The following PPFIBP2 variants were observed in gnomAD, a reference collection of about 807,000 sequenced individuals.
PPFIBP2 encodes the protein liprin-beta-2.
A neutral mutation model predicts 118.3 loss-of-function variants in PPFIBP2; 118 were observed. The observed-to-expected ratio is 1.00, with a 90% CI of 0.86 to 1.16. The LOEUF (loss-of-function observed/expected upper bound fraction) is 1.16, where lower values mean the gene tolerates loss of function less well. Ranked by LOEUF, PPFIBP2 falls within the 50% of genes most tolerant of loss-of-function variation. The pLI is 0.00. For missense variants in PPFIBP2, 1,195 were observed against 1,073.1 expected (o/e 1.11, Z -1.59); for synonymous variants, 414 against 397.4 (o/e 1.04, Z -0.50).
chr11:7,593,990 C>G (rs1590433402), intron 4 of PPFIBP2, among the ~76,000 whole-genome samples: 2 of 152,266 alleles, frequency 1.3e-5, no homozygotes, highest in East Asian at 3.9e-4. Flanking sequence ...AGGCTAGTAT[C>G]CTAATCCCAG....
At chr11:7,572,333 C>T (rs73411118) in intron 3 of PPFIBP2, among the ~76,000 whole-genome samples, 8,844 of 152,262 alleles carry the variant, frequency 0.058, 830 homozygotes, top group African/African-American at 0.2. Flanking sequence ...TGGGGGCCTT[C>T]AGCCACTGCA....
intron 14 of PPFIBP2, among the ~76,000 whole-genome samples, chr11:7,639,054 A>G (rs1052353096): frequency 3.9e-5 from 6 of 152,142 alleles, no homozygotes; most frequent in Non-Finnish European, 7.4e-5. Context: ...TGATCACAAT[A>G]TAGGGATTTT....
rs967124059 is a variant in PPFIBP2, at chr11:7,653,655, G to A, written c.*437G>A. On this transcript the variant is annotated 3_prime_UTR_variant, in exon 24 of 24. Transcript: ENST00000299492. ...CAGTCTTGGCTGAGATCAAAGGGAT[G>A]AGCAACAGGGACTTCTGCCACAGTG... 10 of 1,291,882 alleles carry A rather than the reference G, an allele frequency of 7.7e-6. No individual in the cohort carries two copies. In the African/African-American group the frequency reaches 9.1e-5, roughly 12 times the overall value. The allele number at this position is 1,291,882 out of a possible 1,614,324, so 80.0% of individuals were successfully genotyped here.
intron 6 of PPFIBP2, among the ~76,000 whole-genome samples, chr11:7,619,246 T>C (rs1331286748): frequency 6.6e-6 from 1 of 152,128 alleles, no homozygotes; most frequent in Non-Finnish European, 1.5e-5. Context: ...CAAGAGAATA[T>C]AGCAGAGGGG....
chr11:7,597,738 G>A (rs976380840), intron 5 of PPFIBP2, 65 bp downstream of exon 5: 3 of 1,304,722 alleles, frequency 2.3e-6, no homozygotes, highest in Non-Finnish European at 2.2e-6. Flanking sequence ...GCCCCTTTGT[G>A]TGCCCAGGCT....
chr11:7,624,337 C>T (rs562118212), intron 7 of PPFIBP2, among the ~76,000 whole-genome samples: 1 of 152,260 alleles, frequency 6.6e-6, no homozygotes, highest in East Asian at 1.9e-4. Context: ...ATATTGTTTC[C>T]TCGGGTGGTT....
At chr11:7,548,407 A>C (rs1261754086) in intron 1 of PPFIBP2, 1 of 152,236 alleles carries the variant, frequency 6.6e-6, no homozygotes, top group East Asian at 1.9e-4. Context: ...TGAGTGTGGA[A>C]GCCGTGCCCC....
intron 3 of PPFIBP2, among the ~76,000 whole-genome samples, chr11:7,589,689 G>C (rs1858889190): frequency 6.6e-6 from 1 of 152,068 alleles, no homozygotes; most frequent in South Asian, 2.1e-4. Context: ...GTGAAATGTG[G>C]GCATGGTTTT....
chr11:7,634,381 T>C, intron 12 of PPFIBP2, 114 bp from the exon 13 acceptor site: 1 of 817,288 alleles, frequency 1.2e-6, no homozygotes, highest in Non-Finnish European at 2.0e-6. Flanking sequence ...TTTTTTTTTC[T>C]TGACTTTGAA....
At chr11:7,562,955 A>T (rs1190720420) in intron 2 of PPFIBP2, among the ~76,000 whole-genome samples, 5 of 73,422 alleles carry the variant, frequency 6.8e-5, no homozygotes, top group African/African-American at 2.8e-4. Flanking sequence ...ATATATATAT[A>T]TATATATATA....
rs1221903027 is a variant in PPFIBP2 at position 7,641,502 on chromosome 11, G to A, written c.1399G>A (p.Asp467Asn). 3.7e-6 allele frequency: 6 copies of A among 1,613,816 alleles called. No homozygotes were observed. Among genetic ancestry groups the A allele is most frequent in the South Asian group, 1.1e-5 (1 of 91,072 alleles). ...AGGAGACACAGAAAGTGGCTGGGAC[G>A]ACACTGCTGTGGTCAATGACCTCTC... is the stretch of plus-strand genomic sequence containing the variant. ...RLRDTESGWDDTAVVNDLSST... is the reference protein window; with the variant it reads ...RLRDTESGWDNTAVVNDLSST... Residue 467 changes from aspartate to asparagine, a missense_variant, in exon 16 of 24, where the codon GAC becomes AAC. Physicochemically the swap from Asp to Asn is conservative, Grantham distance 23. Transcript: ENST00000299492.
intron 1 of PPFIBP2, among the ~76,000 whole-genome samples, chr11:7,528,002 G>A (rs1278554618): frequency 6.6e-6 from 1 of 152,194 alleles, no homozygotes; most frequent in Non-Finnish European, 1.5e-5. Flanking sequence ...TGGGCTTCAA[G>A]AAGATACCTG....
chr11:7,596,668 G>C (rs4758003), intron 4 of PPFIBP2, among the ~76,000 whole-genome samples: 2 of 151,896 alleles, frequency 1.3e-5, no homozygotes, highest in African/African-American at 4.8e-5. Flanking sequence ...ATATGTAAAT[G>C]GCAACAACTC....
intron 1 of PPFIBP2, among the ~76,000 whole-genome samples, chr11:7,516,586 G>A (rs555527679): frequency 6.6e-6 from 1 of 152,210 alleles, no homozygotes; most frequent in South Asian, 2.1e-4. Flanking sequence ...TTTAACGAGC[G>A]CCTGGGTGCA....
In PPFIBP2 at chr11:7,621,157, C is replaced by T; in HGVS notation, c.711+130C>T. 2.1e-5 allele frequency: 14 copies of T among 675,660 alleles called. No homozygotes were observed. The South Asian group carries it at 2.1e-4, about 10-fold the overall frequency. 41.9% of individuals were successfully genotyped at this position (675,660 alleles called of 1,614,324 possible). On this transcript the variant is annotated intron_variant, in intron 7 of 23. Transcript: ENST00000299492. ...TCAACCCTCCAGTGTGGACACACAGCAGTGCCCAGATGGTGCAGTAGACAG... is the reference window on the plus strand; with the variant it reads ...TCAACCCTCCAGTGTGGACACACAGTAGTGCCCAGATGGTGCAGTAGACAG...
intron 22 of PPFIBP2, 42 bp from the exon 23 acceptor site, chr11:7,651,614 T>C (rs1854020331): frequency 2.6e-6 from 4 of 1,548,708 alleles, no homozygotes; most frequent in Non-Finnish European, 3.5e-6. Flanking sequence ...TCGAGCCATT[T>C]GTATTTGCTC....
At chr11:7,540,215 C>T (rs1851636742) in intron 1 of PPFIBP2, among the ~76,000 whole-genome samples, 1 of 151,654 alleles carries the variant, frequency 6.6e-6, no homozygotes. Context: ...GAAATAGACC[C>T]ACCCTCCTGG....
chr11:7,562,169 C>T (rs1320479857), intron 2 of PPFIBP2, among the ~76,000 whole-genome samples: 3 of 152,244 alleles, frequency 2.0e-5, no homozygotes, highest in Non-Finnish European at 4.4e-5. Context: ...GCCCACTGCT[C>T]ACCTCCTGCT....
At chr11:7,636,577 C>T (rs1301981882) in intron 14 of PPFIBP2, among the ~76,000 whole-genome samples, 2 of 152,108 alleles carry the variant, frequency 1.3e-5, no homozygotes, top group Non-Finnish European at 2.9e-5. Context: ...GCAGTCCCCC[C>T]TCCCACCTCA....
Sources: allele counts gnomAD v4.1 joint callset (sites outside exome capture counted in the v4.1 genomes callset), GRCh38; gene constraint gnomAD v4.1.1; transcripts MANE v1.5; gene names NCBI Gene and HGNC (gene_info 2026-07-23, HGNC 2026-07-21).